Variants in DIAPH2 observed in about 807,000 individuals in gnomAD.
DIAPH2 encodes the protein diaphanous related formin 2.
A neutral mutation model predicts 92.7 loss-of-function variants in DIAPH2; 35 were observed. The ratio of observed to expected loss-of-function variants is 0.38; its 90% confidence interval spans 0.29 to 0.50. The LOEUF is 0.50. Ranked by LOEUF, DIAPH2 falls within the 20% of genes least tolerant of loss-of-function variation. DIAPH2 has a pLI of 0.94. For missense variants in DIAPH2, 701 were observed against 819.5 expected, an observed-to-expected ratio of 0.86 and a Z score of 1.77; for synonymous variants, 301 against 280.4, an observed-to-expected ratio of 1.07 and a Z score of -0.73.
intron 22 of DIAPH2, among the ~76,000 whole-genome samples, chrX:97,221,819 C>T (rs1410336784): frequency 1.8e-5 from 2 of 109,726 alleles, no homozygotes; most frequent in Non-Finnish European, 3.8e-5. Flanking sequence ...ACTTTTCCCG[C>T]AATTTAACAA....
chrX:97,067,544 T>C (rs750950924), intron 17 of DIAPH2, among the ~76,000 whole-genome samples: 1 of 112,163 alleles, frequency 8.9e-6, no homozygotes, highest in South Asian at 3.7e-4. Flanking sequence ...TCCAAGGTTC[T>C]ACCTATTCCA....
At chrX:97,291,017 G>C (rs1356807960) in intron 23 of DIAPH2, among the ~76,000 whole-genome samples, 2 of 110,188 alleles carry the variant, frequency 1.8e-5, no homozygotes, top group Non-Finnish European at 3.8e-5. Context: ...CCTTGAACCC[G>C]GCAGGCAGAG....
intron 26 of DIAPH2, among the ~76,000 whole-genome samples, chrX:97,492,672 T>C (rs901724182): frequency 9.0e-6 from 1 of 111,587 alleles, no homozygotes; most frequent in African/African-American, 3.3e-5. Context: ...GATATAGTAT[T>C]CTTGATTGGC....
At chrX:96,857,243 G>A (rs757045233) in intron 4 of DIAPH2, among the ~76,000 whole-genome samples, 1 of 111,527 alleles carries the variant, frequency 9.0e-6, no homozygotes, top group Non-Finnish European at 1.9e-5. Context: ...AATATAATGT[G>A]AATGCTCACT....
rs1436152888 is a variant in DIAPH2, at chrX:97,280,392, GA to G, written c.2844+32555del. On this transcript the variant is annotated intron_variant, in intron 23 of 26. Coordinates refer to ENST00000324765, the MANE Select transcript of DIAPH2 (RefSeq NM_006729.5). ...ACTCGGGAAGCTGAGGCAGAAGAAC[GA>G]ACCCGGGAAGTGGAGCTTGCAGTGA... Among the ~76,000 whole-genome samples the G allele has an allele frequency of 2.7e-5, 3 of 110,458 alleles. No individual in the cohort carries two copies. The Admixed American group carries it at 2.9e-4, about 11-fold the overall frequency.
intron 4 of DIAPH2, among the ~76,000 whole-genome samples, chrX:96,840,637 C>G (rs2064929438): frequency 9.0e-6 from 1 of 110,609 alleles, no homozygotes; most frequent in Admixed American, 9.7e-5. Context: ...GAGACGGAGT[C>G]TGGCTCTGTC....
intron 4 of DIAPH2, among the ~76,000 whole-genome samples, chrX:96,851,007 T>C (rs1174717487): frequency 8.9e-6 from 1 of 111,960 alleles, no homozygotes; most frequent in East Asian, 2.8e-4. Flanking sequence ...ACAATGATAA[T>C]TGTTATCATA....
intron 1 of DIAPH2, among the ~76,000 whole-genome samples, chrX:96,709,979 G>C (rs1330800571): frequency 2.7e-5 from 3 of 111,948 alleles, no homozygotes; most frequent in Non-Finnish European, 5.6e-5. Context: ...ATAAAGTAGG[G>C]AATGATTTCA....
intron 24 of DIAPH2, among the ~76,000 whole-genome samples, chrX:97,351,740 T>C (rs1161271082): frequency 1.8e-5 from 2 of 110,672 alleles, no homozygotes; most frequent in East Asian, 5.6e-4. Context: ...GAGGCGGAGC[T>C]TGCAGTGAGC....
chrX:97,438,356 T>TG (rs2070214140), intron 26 of DIAPH2, among the ~76,000 whole-genome samples: 2 of 72,281 alleles, frequency 2.8e-5, no homozygotes, highest in African/African-American at 1.1e-4. Context: ...TTTTTGTTTG[T>TG]TTGTTTTTTT....
At chrX:97,592,514 T>C (rs1156236122) in intron 26 of DIAPH2, among the ~76,000 whole-genome samples, 1 of 112,216 alleles carries the variant, frequency 8.9e-6, no homozygotes, top group African/African-American at 3.2e-5. Context: ...ACATAACGAA[T>C]GCTGAGCATT....
At chrX:97,116,401 T>C (rs1231858977) in intron 21 of DIAPH2, among the ~76,000 whole-genome samples, 1 of 112,249 alleles carries the variant, frequency 8.9e-6, no homozygotes, top group African/African-American at 3.2e-5. Flanking sequence ...CTTCTTGTGA[T>C]ATTTGGGGAC....
chrX:97,343,226 CAG>C (rs926837963), intron 23 of DIAPH2, among the ~76,000 whole-genome samples: 2 of 111,472 alleles, frequency 1.8e-5, no homozygotes, highest in Non-Finnish European at 3.8e-5. Context: ...GTGTGTGTCT[CAG>C]GGGAGAGATT....
chrX:97,115,102 A>G (rs2067007238), intron 21 of DIAPH2, 137 bp downstream of exon 21: 1 of 522,075 alleles, frequency 1.9e-6, no homozygotes, highest in Non-Finnish European at 2.9e-6. Flanking sequence ...TGCGAATTAT[A>G]TCTCAATTCA....
chrX:96,898,836 C>G (rs2065368697), intron 5 of DIAPH2, among the ~76,000 whole-genome samples: 1 of 107,634 alleles, frequency 9.3e-6, no homozygotes, highest in African/African-American at 3.3e-5. Flanking sequence ...CCTAGGTTTT[C>G]TTCTAGGGTT....
intron 26 of DIAPH2, among the ~76,000 whole-genome samples, chrX:97,584,287 TA>T (rs1171207228): frequency 1.8e-5 from 2 of 112,266 alleles, no homozygotes; most frequent in Non-Finnish European, 3.8e-5. Flanking sequence ...TCTCAAATTT[TA>T]GGTGTAGTAA....
chrX:97,217,668 C>T (rs928472901), intron 22 of DIAPH2, among the ~76,000 whole-genome samples: 1 of 112,405 alleles, frequency 8.9e-6, no homozygotes, highest in Admixed American at 9.4e-5. Context: ...AATTTAAAGG[C>T]CGGGCGTGTT....
chrX:97,295,653 C>T (rs1026962604), intron 23 of DIAPH2, among the ~76,000 whole-genome samples: 1 of 110,950 alleles, frequency 9.0e-6, no homozygotes, highest in East Asian at 2.8e-4. Flanking sequence ...AGATTCAAAT[C>T]TACACAATCT....
In DIAPH2 at chrX:96,897,775, G is replaced by T. The variant is rs1381671119; in HGVS notation, c.588-14553G>T. On this transcript the variant is annotated intron_variant, in intron 5 of 26. Coordinates refer to ENST00000324765, the MANE Select transcript of DIAPH2 (RefSeq NM_006729.5). ...GTTTTAGGGTACATGTGCACAATGT[G>T]CAGGTTAGTTACATATGTATACATG... Among the ~76,000 whole-genome samples the T allele has an allele frequency of 3.0e-5, 3 of 100,568 alleles. No individual in the cohort carries two copies. The Admixed American group carries it at 3.3e-4, about 11-fold the overall frequency. The allele number at this position is 100,568 out of a possible 115,157, so 87.3% of individuals were successfully genotyped here.
Sources: allele counts gnomAD v4.1 joint callset (sites outside exome capture counted in the v4.1 genomes callset), GRCh38; gene constraint gnomAD v4.1.1; transcripts MANE v1.5; gene names NCBI Gene and HGNC (gene_info 2026-07-23, HGNC 2026-07-21).